HTT: variants seen among roughly 807,000 people sequenced by gnomAD.
HTT encodes huntingtin, also known as huntington disease protein.
A neutral mutation model predicts 362.3 loss-of-function variants in HTT; 104 were observed. The observed-to-expected ratio is 0.29, with a 90% CI of 0.24 to 0.34. HTT has a LOEUF of 0.34. Ranked by LOEUF, HTT falls within the 10% of genes least tolerant of loss-of-function variation. The probability of loss-of-function intolerance (pLI) is 1.00; values close to 1 mark genes in which losing one functional copy is unlikely to be tolerated. For missense variants in HTT, 3,301 were observed against 3,928.6 expected, an observed-to-expected ratio of 0.84 and a Z score of 4.27; for synonymous variants, 1,577 against 1,548.7, an observed-to-expected ratio of 1.02 and a Z score of -0.43.
rs781735944 is a variant in HTT at position 3,099,433 on chromosome 4, ATTG to A, written c.468+44_468+46del. ...GGATGATGTTCTCCTCAGAGCTATC[ATTG>A]TTGTAGGCTGAGAGAAGAAGCGATC... On this transcript the variant is annotated intron_variant, in intron 3 of 66. Coordinates refer to ENST00000355072, the MANE Select transcript of HTT (RefSeq NM_001388492.1). 1.8e-4 allele frequency: 288 copies of A among 1,611,002 alleles called. 1 individual carries two copies. The South Asian group carries it at 2.0e-3, about 11-fold the overall frequency.
chr4:3,185,254 A>C (rs1291624507), intron 37 of HTT, among the ~76,000 whole-genome samples: 24 of 152,234 alleles, frequency 1.6e-4, no homozygotes, highest in Non-Finnish European at 8.8e-5. Flanking sequence ...GACACAGGAG[A>C]CACAAATCGC....
At chr4:3,113,004 TG>T (rs1714840756) in intron 6 of HTT, 5 of 971,422 alleles carry the variant, frequency 5.1e-6, no homozygotes, top group Non-Finnish European at 6.1e-6. Flanking sequence ...CCCTTGGCTC[TG>T]AAGTTTAATG....
At chr4:3,231,222 C>T (rs1176301670) in intron 60 of HTT, among the ~76,000 whole-genome samples, 2 of 152,268 alleles carry the variant, frequency 1.3e-5, no homozygotes, top group East Asian at 1.9e-4. Flanking sequence ...CGTGTGCCAG[C>T]CGTCTGGGGC....
At chr4:3,189,877 G>A (rs1376432321) in intron 40 of HTT, among the ~76,000 whole-genome samples, 2 of 152,132 alleles carry the variant, frequency 1.3e-5, no homozygotes, top group Non-Finnish European at 2.9e-5. Context: ...AACTAGCCGG[G>A]GATAGTGGTG....
intron 2 of HTT, among the ~76,000 whole-genome samples, chr4:3,090,465 A>G (rs1337411368): frequency 1.3e-5 from 2 of 152,212 alleles, no homozygotes; most frequent in Non-Finnish European, 2.9e-5. Flanking sequence ...TCTTACTAAT[A>G]TGTACCTTGA....
intron 57 of HTT, 86 bp downstream of exon 57, chr4:3,225,829 T>C: frequency 1.1e-6 from 1 of 886,310 alleles, no homozygotes; most frequent in Non-Finnish European, 1.7e-6. Context: ...AAAAGCTCAG[T>C]GCACTTTTTA....
Position 3,074,831 on chromosome 4 carries a change from G to C in HTT, c.6G>C (p.Ala2=), listed in dbSNP as rs764460507. The C allele has an allele frequency of 6.6e-7, 1 of 1,513,206 alleles. No individual in the cohort carries two copies. The highest frequency in any genetic ancestry group is 1.2e-5 in the South Asian group (1 of 82,428). 93.7% of individuals were successfully genotyped at this position (1,513,206 alleles called of 1,614,324 possible). M[A]TLEKLMKAFE... is the part of the protein sequence containing the mutation. ...GTGCCGGGCGGGAGACCGCCATGGC[G>C]ACCCTGGAAAAGCTGATGAAGGCCT... Residue 2 remains alanine (A), a synonymous_variant, in exon 1 of 67, where the codon GCG becomes GCC. Transcript: ENST00000355072.
intron 59 of HTT, among the ~76,000 whole-genome samples, 172 bp from the exon 60 acceptor site, chr4:3,229,715 C>A (rs1232879777): frequency 1.3e-5 from 2 of 152,032 alleles, no homozygotes; most frequent in Admixed American, 6.6e-5. Flanking sequence ...TACCACGCAC[C>A]CACACAGACA....
chr4:3,185,375 G>A (rs973005850), intron 37 of HTT, among the ~76,000 whole-genome samples: 4 of 152,154 alleles, frequency 2.6e-5, no homozygotes, highest in Admixed American at 1.3e-4. Flanking sequence ...ACAGGCGAGG[G>A]TCCAGGATGC....
Position 3,129,741 on chromosome 4 carries a change from G to A in HTT, c.1744-183G>A, listed in dbSNP as rs1266215842. 5.2e-6 allele frequency: 3 copies of A among 578,092 alleles called. No individual in the cohort carries two copies. In the East Asian group the frequency reaches 9.7e-5, roughly 19 times the overall value. The allele number at this position is 578,092 out of a possible 1,614,324, so 35.8% of individuals were successfully genotyped here. A position where few individuals can be genotyped will look rare whatever the true frequency, so the allele number is the denominator to read the frequency against. ...GCTTTTCATAATGTAGTGGGAATGA[G>A]TGATCAGTAAGCTCTTAGCAGTTTC... On this transcript the variant is annotated intron_variant, in intron 12 of 66. Coordinates refer to ENST00000355072, the MANE Select transcript of HTT (RefSeq NM_001388492.1).
At chr4:3,116,307 G>GA in intron 8 of HTT, 44 bp downstream of exon 8, 1 of 1,491,126 alleles carries the variant, frequency 6.7e-7, no homozygotes, top group Non-Finnish European at 9.3e-7. Context: ...GTGAATGACT[G>GA]ACATTCAAAG....
At chr4:3,180,419 C>T (rs1202207640) in intron 35 of HTT, 96 bp from the exon 36 acceptor site, 6 of 1,157,248 alleles carry the variant, frequency 5.2e-6, no homozygotes, top group Non-Finnish European at 7.3e-6. Context: ...TAAGGGTTTT[C>T]TTTATTTCTT....
chr4:3,211,901 T>C (rs756604093), intron 47 of HTT, 28 bp from the exon 48 acceptor site: 10 of 1,530,762 alleles, frequency 6.5e-6, no homozygotes, highest in South Asian at 1.1e-5. Flanking sequence ...TTGTTATTGT[T>C]TGTTAACCTT....
Position 3,186,613 on chromosome 4 carries a change from A to T in HTT, c.4883A>T (p.His1628Leu). The T allele has an allele frequency of 1.2e-6, 2 of 1,613,598 alleles. No homozygotes were observed. Among genetic ancestry groups the T allele is most frequent in the East Asian group, 2.2e-5 (1 of 44,860 alleles). The change falls in exon 38 of 67, where the codon CAT becomes CTT. Residue 1628 changes from histidine to leucine, a missense_variant. His to Leu is a moderately conservative substitution (Grantham distance 99, BLOSUM62 -3). Transcript: ENST00000355072. ...ATTCCACAGATGCACATTGACTCTC[A>T]TGAAGCCCTTGGAGTGTTAAATACA... ...LAKQQMHIDS[H>L]EALGVLNTLF...
intron 26 of HTT, among the ~76,000 whole-genome samples, chr4:3,152,279 T>C (rs1251899543): frequency 2.0e-5 from 3 of 152,028 alleles, no homozygotes; most frequent in Non-Finnish European, 4.4e-5. Context: ...TTTGTATTTT[T>C]AGTAGAGACG....
chr4:3,090,503 C>CA (rs1429831124), intron 2 of HTT, among the ~76,000 whole-genome samples: 3 of 152,090 alleles, frequency 2.0e-5, no homozygotes, highest in Non-Finnish European at 4.4e-5. Flanking sequence ...CATAAATATA[C>CA]AAAAATCCAT....
rs1425721554 is a variant in HTT at position 3,093,747 on chromosome 4, A to G, written c.348-5527A>G. ...AGATTTGAAGGTGCTGGCCTTGAAA[A>G]TTGGAGTGATGAAGCTATAAGCCAA... is the stretch of plus-strand genomic sequence containing the variant. On this transcript the variant is annotated intron_variant, in intron 2 of 66. Coordinates refer to ENST00000355072, the MANE Select transcript of HTT (RefSeq NM_001388492.1). Among the ~76,000 whole-genome samples, 3 of 152,004 alleles carry G rather than the reference A, an allele frequency of 2.0e-5. No individual in the cohort carries two copies. The South Asian group carries it at 6.2e-4, about 32-fold the overall frequency.
chr4:3,179,102 T>A (rs1718377238), intron 35 of HTT, among the ~76,000 whole-genome samples: 1 of 152,188 alleles, frequency 6.6e-6, no homozygotes, highest in African/African-American at 2.4e-5. Context: ...CAGGGACACA[T>A]CCTAAGACCC....
chr4:3,186,773 G>T, intron 38 of HTT, 54 bp downstream of exon 38: 2 of 1,523,614 alleles, frequency 1.3e-6, no homozygotes, highest in Non-Finnish European at 8.9e-7. Context: ...TTCAGGCTCT[G>T]ATTACTGGGA....
Sources: gnomAD v4.1 joint callset for allele counts (sites outside exome capture counted in the v4.1 genomes callset) on GRCh38, gnomAD v4.1.1 for gene constraint, MANE v1.5 for transcripts, NCBI Gene and HGNC (gene_info 2026-07-23, HGNC 2026-07-21) for gene names.